Variants in DHX36 observed in about 807,000 individuals in gnomAD.
DHX36 encodes the protein ATP-dependent DNA/RNA helicase DHX36.
A neutral mutation model predicts 139.0 loss-of-function variants in DHX36; 50 were observed. That is an observed-to-expected ratio of 0.36 (90% CI 0.29 to 0.46). DHX36 has a LOEUF of 0.46. DHX36 is among the 20% of genes least tolerant of loss of function. The pLI, the probability that DHX36 is intolerant of heterozygous loss-of-function variation, is 1.00. For synonymous variants in DHX36, 425 were observed against 401.9 expected (o/e 1.06, Z -0.69); for missense variants, 1,024 against 1,211.3 (o/e 0.85, Z 2.29).
At chr3:154,284,190 G>T (rs1029056484) in intron 19 of DHX36, among the ~76,000 whole-genome samples, 2 of 151,834 alleles carry the variant, frequency 1.3e-5, no homozygotes, top group African/African-American at 2.4e-5. Flanking sequence ...TGGTTTTTTG[G>T]TTTTTTTGAG....
rs758618862 is a variant in DHX36 at position 154,324,425 on chromosome 3, C to T, written c.-9G>A. Reference sequence around the variant, plus strand: ...TGGTAGTCATAACTCATTGTCCTGGCAGACTACAACCCGTCAGAACCAGCA... The same window carrying T: ...TGGTAGTCATAACTCATTGTCCTGGTAGACTACAACCCGTCAGAACCAGCA... On this transcript the variant is annotated 5_prime_UTR_variant, in exon 1 of 25. Coordinates refer to ENST00000496811, the MANE Select transcript of DHX36 (RefSeq NM_020865.3). 18 of 1,494,398 alleles carry T rather than the reference C, an allele frequency of 1.2e-5. No individual in the cohort carries two copies. The South Asian group carries it at 1.8e-4, about 15-fold the overall frequency. The allele number at this position is 1,494,398 out of a possible 1,614,324, so 92.6% of individuals were successfully genotyped here. A position where few individuals can be genotyped will look rare whatever the true frequency, so the allele number is the denominator to read the frequency against.
Position 154,285,001 on chromosome 3 carries a change from G to A in DHX36, c.2032-14C>T. 1 of 1,613,736 alleles carries A rather than the reference G, an allele frequency of 6.2e-7. No homozygotes were observed. Among genetic ancestry groups the A allele is most frequent in the South Asian group, 1.1e-5 (1 of 91,044 alleles). ...ATCCAAAGCGTTCTGTAAAGGAAGAGTGTGTGTTTAAAATAGATCCTGTAA... is the reference window on the plus strand; with the variant it reads ...ATCCAAAGCGTTCTGTAAAGGAAGAATGTGTGTTTAAAATAGATCCTGTAA... On this transcript the variant is annotated splice_polypyrimidine_tract_variant and intron_variant, in intron 17 of 24. Coordinates refer to ENST00000496811, the MANE Select transcript of DHX36 (RefSeq NM_020865.3).
chr3:154,317,878 A>C (rs1713044881), intron 1 of DHX36, among the ~76,000 whole-genome samples: 1 of 152,062 alleles, frequency 6.6e-6, no homozygotes, highest in Admixed American at 6.5e-5. Flanking sequence ...GACCCAGTAC[A>C]CACATATACA....
intron 9 of DHX36, among the ~76,000 whole-genome samples, chr3:154,301,521 C>T (rs1462322470): frequency 6.6e-6 from 1 of 152,182 alleles, no homozygotes; most frequent in African/African-American, 2.4e-5. Context: ...TAAATCCCAT[C>T]CCTGATGATT....
intron 1 of DHX36, among the ~76,000 whole-genome samples, chr3:154,316,435 T>G (rs1668041082): frequency 6.6e-6 from 1 of 152,096 alleles, no homozygotes; most frequent in Admixed American, 6.6e-5. Flanking sequence ...TTATGTCTCT[T>G]CCTACAACTC....
chr3:154,301,601 T>C (rs193137468), intron 9 of DHX36, among the ~76,000 whole-genome samples: 14 of 152,242 alleles, frequency 9.2e-5, no homozygotes, highest in African/African-American at 2.9e-4. Context: ...GAGATTCAGA[T>C]AGTGTATCCA....
intron 9 of DHX36, among the ~76,000 whole-genome samples, chr3:154,302,456 T>C (rs1166181806): frequency 6.6e-6 from 1 of 152,184 alleles, no homozygotes; most frequent in African/African-American, 2.4e-5. Context: ...GAATATAAGA[T>C]AATGATTTAG....
At chr3:154,288,330 T>C (rs1035946356) in intron 17 of DHX36, among the ~76,000 whole-genome samples, 7 of 151,948 alleles carry the variant, frequency 4.6e-5, no homozygotes, top group Non-Finnish European at 1.0e-4. Context: ...ACTGAACTCT[T>C]TATGAAGATG....
At position 154,274,871 on chromosome 3, in the gene DHX36, A is replaced by G. The variant is rs1220394205; in HGVS notation, c.*1300T>C. ...GGGACAAAATAGTTGCTGGCCGGCA[A>G]CCAACAGTATTTATCACAATCTGAT... On this transcript the variant is annotated 3_prime_UTR_variant, in exon 25 of 25. Coordinates refer to ENST00000496811, the MANE Select transcript of DHX36 (RefSeq NM_020865.3). The G allele has an allele frequency of 6.6e-6, 1 of 152,268 alleles. No individual in the cohort carries two copies. The highest frequency in any genetic ancestry group is 6.5e-5 in the Admixed American group (1 of 15,284). 9.4% of individuals were successfully genotyped at this position (152,268 alleles called of 1,614,324 possible). A position where few individuals can be genotyped will look rare whatever the true frequency, so the allele number is the denominator to read the frequency against.
chr3:154,311,178 G>C (rs1008045982), intron 4 of DHX36, among the ~76,000 whole-genome samples: 12 of 151,748 alleles, frequency 7.9e-5, no homozygotes, highest in African/African-American at 2.9e-4. Context: ...ATAAAATAAG[G>C]TTGAGAAAAC....
chr3:154,293,309 G>A (rs1711896568), intron 14 of DHX36, among the ~76,000 whole-genome samples: 1 of 152,136 alleles, frequency 6.6e-6, no homozygotes, highest in South Asian at 2.1e-4. Flanking sequence ...GCCATGCATG[G>A]TGGCTTAGGC....
chr3:154,290,823 T>C (rs1711766057), intron 15 of DHX36, among the ~76,000 whole-genome samples: 3 of 151,742 alleles, frequency 2.0e-5, no homozygotes, highest in South Asian at 2.1e-4. Context: ...ATCTCTCCAG[T>C]AGAAACTAAA....
chr3:154,312,919 T>C (rs1378001205), intron 3 of DHX36, among the ~76,000 whole-genome samples: 1 of 124,212 alleles, frequency 8.1e-6, no homozygotes, highest in African/African-American at 3.0e-5. Flanking sequence ...TAAAGAACTG[T>C]CTTTGGTAAT....
intron 20 of DHX36, among the ~76,000 whole-genome samples, chr3:154,282,140 A>G (rs781043494): frequency 1.3e-5 from 2 of 152,108 alleles, no homozygotes; most frequent in Non-Finnish European, 2.9e-5. Flanking sequence ...TCCATTTCAA[A>G]ACGTGTTCTT....
At chr3:154,288,839 A>G in intron 17 of DHX36, 27 bp downstream of exon 17, 1 of 1,354,146 alleles carries the variant, frequency 7.4e-7, no homozygotes, top group African/African-American at 1.5e-5. Context: ...CTAAGTTAGA[A>G]TTAAAAAAAC....
chr3:154,311,743 G>C, intron 3 of DHX36, 69 bp from the exon 4 acceptor site: 1 of 1,249,918 alleles, frequency 8.0e-7, no homozygotes, highest in East Asian at 2.5e-5. Context: ...TGGTATTTAG[G>C]ATACATCACA....
At chr3:154,281,990 T>C (rs528652110) in intron 20 of DHX36, among the ~76,000 whole-genome samples, 11 of 152,246 alleles carry the variant, frequency 7.2e-5, no homozygotes, top group African/African-American at 2.6e-4. Context: ...CAAGAAGAGC[T>C]CAGGGGTACA....
At chr3:154,301,433 GTTAATA>G (rs1486005169) in intron 9 of DHX36, among the ~76,000 whole-genome samples, 1 of 152,080 alleles carries the variant, frequency 6.6e-6, no homozygotes, top group African/African-American at 2.4e-5. Flanking sequence ...TAGAACAAAA[GTTAATA>G]TTAATGTTAA....
intron 20 of DHX36, 107 bp downstream of exon 20, chr3:154,283,081 A>G (rs140272171): frequency 0.011 from 8,363 of 770,320 alleles, 101 homozygotes; most frequent in Middle Eastern, 0.069. Context: ...AATATACTCA[A>G]TTTCCATATA....
Sources: allele counts gnomAD v4.1 joint callset (sites outside exome capture counted in the v4.1 genomes callset), GRCh38; gene constraint gnomAD v4.1.1; transcripts MANE v1.5; gene names NCBI Gene and HGNC (gene_info 2026-07-23, HGNC 2026-07-21).